Variants in NLRX1 observed in about 807,000 individuals in gnomAD.
The protein encoded by NLRX1 is NOD-like receptor X1.
NLRX1 carries 67 observed loss-of-function variants against 74.2 expected under a neutral mutation model. The observed-to-expected ratio is 0.90, with a 90% confidence interval of 0.74 to 1.11. The LOEUF (loss-of-function observed/expected upper bound fraction) is 1.11, where lower values mean the gene tolerates loss of function less well. NLRX1 is among the 50% of genes least tolerant of loss of function. The probability of loss-of-function intolerance (pLI) is 0.00; values close to 1 mark genes in which losing one functional copy is unlikely to be tolerated. For missense variants in NLRX1, 1,191 were observed against 1,305.4 expected (o/e 0.91, Z 1.35); for synonymous variants, 506 against 559.1 (o/e 0.91, Z 1.34).
intron 5 of NLRX1, 126 bp from the exon 6 acceptor site, chr11:119,174,327 A>G (rs971370745): frequency 2.9e-6 from 3 of 1,040,282 alleles, no homozygotes; most frequent in Non-Finnish European, 4.2e-6. Context: ...AGTAATTGCT[A>G]GTTATAACTG....
intron 6 of NLRX1, among the ~76,000 whole-genome samples, chr11:119,179,404 G>T (rs1948772542): frequency 6.6e-6 from 1 of 152,094 alleles, no homozygotes; most frequent in Admixed American, 6.5e-5. Context: ...GGGGGCCTAA[G>T]CTAGGGAGCC....
At position 119,183,223 on chromosome 11, in the gene NLRX1, G is replaced by T; in HGVS notation, c.2712G>T (p.Thr904=). ...TGGTGGTGTCACTGACAGAGGGGAC[G>T]GCGGTGTCAGAATACTGGTCAGTGA... The part of the protein sequence containing the change: ...ARVVVSLTEG[T]AVSEYWSVIL... Residue 904 remains threonine (T), a synonymous_variant, in exon 10 of 10, where the codon ACG becomes ACT. Coordinates refer to ENST00000409109, the MANE Select transcript of NLRX1 (RefSeq NM_001282144.2). This position sits in a 1 kb window ranked among gnomAD's most constrained non-coding sequence, Gnocchi z 5.7. 1 of 1,614,208 alleles carries T rather than the reference G, an allele frequency of 6.2e-7. No homozygotes were observed. Among genetic ancestry groups the T allele is most frequent in the Non-Finnish European group, 8.5e-7 (1 of 1,180,040 alleles).
chr11:119,172,244 C>A, intron 2 of NLRX1, 112 bp from the exon 3 acceptor site: 1 of 783,630 alleles, frequency 1.3e-6, no homozygotes, highest in Non-Finnish European at 2.3e-6. Flanking sequence ...ATAACTGCTG[C>A]AAAGGGGCAG....
In NLRX1 at chr11:119,180,301, C is replaced by T. The variant is rs768009791; in HGVS notation, c.2267+13C>T. The T allele has an allele frequency of 1.9e-6, 3 of 1,551,246 alleles. No individual in the cohort carries two copies. In the South Asian group the frequency reaches 3.6e-5, roughly 19 times the overall value. ...CCCGGAAGCTGGGGTGAGGACCTAT[C>T]CTCATGCACAGGCATGAAGAGGGAA... On this transcript the variant is annotated intron_variant, in intron 7 of 9. Transcript: ENST00000409109.
In NLRX1 at chr11:119,173,768, C is replaced by T. The variant is rs76416758; in HGVS notation, c.519C>T (p.Ser173=). The T allele has an allele frequency of 2.9e-5, 46 of 1,613,656 alleles. No individual in the cohort carries two copies. Among genetic ancestry groups the T allele is most frequent in the Non-Finnish European group, 3.5e-5 (41 of 1,180,038 alleles). ...ATGGGACAGTGGGCACAGGCAAGAG[C>T]ACGCTGGTGCGCAAGATGGTTCTGG... ...VLYGTVGTGK[S]TLVRKMVLDW... is the part of the protein sequence containing the mutation. Residue 173 remains serine (S), a synonymous_variant, in exon 5 of 10, where the codon AGC becomes AGT. Coordinates refer to ENST00000409109, the MANE Select transcript of NLRX1 (RefSeq NM_001282144.2). This position sits in a 1 kb window ranked among gnomAD's most constrained non-coding sequence, Gnocchi z 4.0.
chr11:119,172,286 G>A (rs2135156473), intron 2 of NLRX1, 70 bp from the exon 3 acceptor site: 2 of 1,222,006 alleles, frequency 1.6e-6, no homozygotes, highest in South Asian at 1.2e-5. Flanking sequence ...ATACTGGGGG[G>A]TTTGATGTAG....
rs1948467286 is a variant in NLRX1 at position 119,168,938 on chromosome 11, AC to A, written c.-412del. ...CGGGCGGAGGTGGGCAGGAAGCGCCACGCCGAGGAGCCGGGGACTCTGGGAG... is the reference window on the plus strand; with the variant it reads ...CGGGCGGAGGTGGGCAGGAAGCGCCAGCCGAGGAGCCGGGGACTCTGGGAG... On this transcript the variant is annotated 5_prime_UTR_variant, in exon 1 of 10. An upstream open reading frame in the 5' UTR loses its in-frame stop. Coordinates refer to ENST00000409109, the MANE Select transcript of NLRX1 (RefSeq NM_001282144.2). The A allele has an allele frequency of 6.6e-6, 1 of 152,264 alleles. No homozygotes were observed. Among genetic ancestry groups the A allele is most frequent in the Non-Finnish European group, 1.5e-5 (1 of 68,102 alleles). 9.4% of individuals were successfully genotyped at this position (152,264 alleles called of 1,614,324 possible). A position where few individuals can be genotyped will look rare whatever the true frequency, so the allele number is the denominator to read the frequency against.
Position 119,171,432 on chromosome 11 carries a change from C to A in NLRX1, c.29C>A (p.Ala10Asp), listed in dbSNP as rs1225538805. The change falls in exon 2 of 10, where the codon GCC (alanine) becomes GAC (aspartate). Residue 10 changes from alanine (A) to aspartate (D), a missense_variant. Coordinates refer to ENST00000409109, the MANE Select transcript of NLRX1 (RefSeq NM_001282144.2). ...AGGTGGGGCCACCATTTGCCCAGGG[C>A]CTCTTGGGGCTCTGGTTTTAGAAGA... is the stretch of plus-strand genomic sequence containing the variant. MRWGHHLPR[A>D]SWGSGFRRAL... 2 of 1,613,976 alleles carry A rather than the reference C, an allele frequency of 1.2e-6. No homozygotes were observed. Among genetic ancestry groups the A allele is most frequent in the Non-Finnish European group, 1.7e-6 (2 of 1,179,936 alleles).
At chr11:119,170,598 A>G (rs1256569543) in intron 1 of NLRX1, among the ~76,000 whole-genome samples, 1 of 152,240 alleles carries the variant, frequency 6.6e-6, no homozygotes, top group Non-Finnish European at 1.5e-5. Context: ...CTTACATAAA[A>G]GTCACAGAGA....
In NLRX1 at chr11:119,172,072, G is replaced by A. The variant is rs190005916; in HGVS notation, c.71-284G>A. 3.3e-5 allele frequency among the ~76,000 whole-genome samples: 5 copies of A among 152,274 alleles called. No homozygotes were observed. The East Asian group carries it at 5.8e-4, about 18-fold the overall frequency. On this transcript the variant is annotated intron_variant, in intron 2 of 9. Transcript: ENST00000409109. ...AACAGAGATTTACTGAGTGCCTGCCGTACCGCAGACCTGGTGTTAAGTTCT... is the reference window on the plus strand; with the variant it reads ...AACAGAGATTTACTGAGTGCCTGCCATACCGCAGACCTGGTGTTAAGTTCT...
rs34841575 is a variant in NLRX1 at position 119,175,073 on chromosome 11, C to T, written c.1470C>T (p.Phe490=). ...PCVEPGRAGT[F]VFTVPAMQEY... Reference sequence around the variant, plus strand: ...TGGAGCCAGGGCGTGCAGGCACCTTCGTGTTCACCGTGCCCGCCATGCAGG... The same window carrying T: ...TGGAGCCAGGGCGTGCAGGCACCTTTGTGTTCACCGTGCCCGCCATGCAGG... The change falls in exon 6 of 10, where the codon TTC becomes TTT. Residue 490 remains phenylalanine, a synonymous_variant. Coordinates refer to ENST00000409109, the MANE Select transcript of NLRX1 (RefSeq NM_001282144.2). 4.3e-5 allele frequency: 69 copies of T among 1,614,056 alleles called. 1 individual carries two copies. Among genetic ancestry groups the T allele is most frequent in the Admixed American group, 5.0e-5 (3 of 60,010 alleles).
chr11:119,182,114 C>G lies in NLRX1; in HGVS notation c.2375C>G (p.Thr792Arg), dbSNP rs150161078. The G allele has an allele frequency of 2.6e-4, 422 of 1,614,026 alleles. No homozygotes were observed. Among genetic ancestry groups the G allele is most frequent in the Non-Finnish European group, 3.2e-4 (383 of 1,180,020 alleles). ...TGTAGGCTGTCCAACAACCCGCTGA[C>G]GGCGGCAGGTGTTGCCGTGCTAATG... Reference protein sequence around the residue: ...TTLRLSNNPLTAAGVAVLMEG... With the variant: ...TTLRLSNNPLRAAGVAVLMEG... Residue 792 changes from threonine to arginine, a missense_variant, in exon 9 of 10, where the codon ACG becomes AGG. Physicochemically the swap from Thr to Arg is moderately conservative, Grantham distance 71. Coordinates refer to ENST00000409109, the MANE Select transcript of NLRX1 (RefSeq NM_001282144.2).
At chr11:119,181,476 G>A in intron 8 of NLRX1, 1 of 534,542 alleles carries the variant, frequency 1.9e-6, no homozygotes, top group Admixed American at 3.0e-5. Context: ...CTCTCACGTG[G>A]CTAAAATCAG....
Position 119,173,871 on chromosome 11 carries a change from G to GC in NLRX1, c.626dup (p.Ala210SerfsTer51). 6.2e-7 allele frequency: 1 copy of GC among 1,613,482 alleles called. No homozygotes were observed. The highest frequency in any genetic ancestry group is 8.5e-7 in the Non-Finnish European group (1 of 1,180,040). On this transcript the variant is annotated frameshift_variant, in exon 5 of 10. Coordinates refer to ENST00000409109, the MANE Select transcript of NLRX1 (RefSeq NM_001282144.2). LOFTEE classifies it high-confidence loss of function. The surrounding 1 kb of genome is among the most constrained non-coding windows in gnomAD (Gnocchi z 4.0). ...TGAGGACCTGTCATCCCTGGGCCCT[G>GC]CCCCAGCCTCCCTGTGCCAACTTGT...
upstream of NLRX1, chr11:119,168,722 G>A (rs992054426): frequency 1.4e-4 from 21 of 152,304 alleles, no homozygotes; most frequent in African/African-American, 5.1e-4. Context: ...CAGTACTAGC[G>A]GCAGTGCCCG....
At chr11:119,174,144 G>GC in intron 5 of NLRX1, 46 bp downstream of exon 5, 1 of 1,590,106 alleles carries the variant, frequency 6.3e-7, no homozygotes, top group Non-Finnish European at 8.6e-7. Flanking sequence ...CCGTTGACTC[G>GC]CCCCCTAGGT....
Position 119,179,760 on chromosome 11 carries a change from T to C in NLRX1, c.1739T>C (p.Leu580Pro). 6.2e-7 allele frequency: 1 copy of C among 1,614,086 alleles called. No homozygotes were observed. The highest frequency in any genetic ancestry group is 8.5e-7 in the Non-Finnish European group (1 of 1,179,996). Residue 580 changes from leucine (L) to proline (P), a missense_variant, in exon 7 of 10, where the codon CTG (leucine) becomes CCG (proline). Transcript: ENST00000409109. ...SREAVAQAMVLEMFREEDYYN... is the reference protein window; with the variant it reads ...SREAVAQAMVPEMFREEDYYN... ...GAGGCGGTGGCTCAGGCCATGGTGCTGGAGATGTTTCGAGAGGAGGACTAC... is the reference window on the plus strand; with the variant it reads ...GAGGCGGTGGCTCAGGCCATGGTGCCGGAGATGTTTCGAGAGGAGGACTAC...
intron 5 of NLRX1, 111 bp from the exon 6 acceptor site, chr11:119,174,342 C>G: frequency 5.9e-6 from 7 of 1,178,808 alleles, no homozygotes; most frequent in Non-Finnish European, 8.5e-6. Flanking sequence ...TAACTGTTAT[C>G]CTCATCAATG....
rs1316289369 is a variant in NLRX1, at chr11:119,181,188, T to A, written c.2285T>A (p.Leu762Gln). Residue 762 changes from leucine (L) to glutamine (Q), a missense_variant, in exon 8 of 10, where the codon CTG becomes CAG. Coordinates refer to ENST00000409109, the MANE Select transcript of NLRX1 (RefSeq NM_001282144.2). ...TGCTCCAGCTTGCAACTCAACAGCC[T>A]GGGCCCTGAGGCCTGCAAGGACCTC... is the stretch of plus-strand genomic sequence containing the variant. ...ARKLGLQLNS[L>Q]GPEACKDLRD... 1.2e-6 allele frequency: 2 copies of A among 1,613,812 alleles called. No homozygotes were observed. Among genetic ancestry groups the A allele is most frequent in the Non-Finnish European group, 1.7e-6 (2 of 1,179,930 alleles).
Sources: gnomAD v4.1 joint callset for allele counts (sites outside exome capture counted in the v4.1 genomes callset) on GRCh38, gnomAD v4.1.1 for gene constraint, Gnocchi (gnomAD v3.1) non-coding constraint, MANE v1.5 for transcripts, NCBI Gene and HGNC (gene_info 2026-07-23, HGNC 2026-07-21) for gene names.